H2BC6: variants seen among roughly 807,000 people sequenced by gnomAD.
H2BC6 encodes the protein H2B clustered histone 6, also known as histone H2B type 1-C/E/F/G/I.
H2BC6 carries 8 observed loss-of-function variants against 6.1 expected under a neutral mutation model. The observed-to-expected ratio is 1.31, with a 90% CI of 0.77 to 2.36. The LOEUF is 2.36. Ranked by LOEUF, H2BC6 falls within the 30% of genes most tolerant of loss-of-function variation. H2BC6 has a pLI of 0.00. For synonymous variants in H2BC6, 136 were observed against 73.9 expected, an observed-to-expected ratio of 1.84 and a Z score of -4.31; for missense variants, 212 against 169.9, an observed-to-expected ratio of 1.25 and a Z score of -1.38.
chr6:26,183,921 G>C lies in H2BC6; in HGVS notation c.126G>C (p.Val42=). The C allele has an allele frequency of 1.2e-6, 2 of 1,614,270 alleles. No homozygotes were observed. Among genetic ancestry groups the C allele is most frequent in the Non-Finnish European group, 1.7e-6 (2 of 1,180,056 alleles). ...GCAAGGAGAGCTACTCCGTATACGTGTACAAGGTGCTGAAACAGGTCCACC... is the reference window on the plus strand; with the variant it reads ...GCAAGGAGAGCTACTCCGTATACGTCTACAAGGTGCTGAAACAGGTCCACC... ...RSRKESYSVY[V]YKVLKQVHPD... is the part of the protein sequence containing the mutation. Residue 42 remains valine, a synonymous_variant, in exon 1 of 1, where the codon GTG becomes GTC. Transcript: ENST00000614097.
Position 26,183,806 on chromosome 6 carries a change from C to T in H2BC6, c.11C>T (p.Pro4Leu), listed in dbSNP as rs148688357. 2.3e-4 allele frequency: 379 copies of T among 1,614,118 alleles called. 1 individual carries two copies. In the Middle Eastern group the frequency reaches 3.8e-3, roughly 16 times the overall value. MPE[P>L]AKSAPAPKKG... is the part of the protein sequence containing the mutation. ...AACAGCAAAGATAGCATGCCTGAGC[C>T]AGCGAAATCCGCTCCCGCCCCGAAG... is the stretch of plus-strand genomic sequence containing the variant. Residue 4 changes from proline to leucine, a missense_variant, in exon 1 of 1, where the codon CCA becomes CTA. By Grantham distance (98) the Pro-to-Leu change is moderately conservative. Transcript: ENST00000614097.
Position 26,184,170 on chromosome 6 carries a change from C to A in H2BC6, c.375C>A (p.Ser125=). The change falls in exon 1 of 1, where the codon TCC becomes TCA. Residue 125 remains serine (S), a synonymous_variant. Transcript: ENST00000614097. ...GTKAVTKYTS[S]K ...AGGCCGTTACCAAGTACACCAGCTCCAAGTAAACTTGTCCCTGCAACTGCC... is the reference window on the plus strand; with the variant it reads ...AGGCCGTTACCAAGTACACCAGCTCAAAGTAAACTTGTCCCTGCAACTGCC... The A allele has an allele frequency of 1.9e-6, 3 of 1,614,068 alleles. No individual in the cohort carries two copies. Among genetic ancestry groups the A allele is most frequent in the Non-Finnish European group, 2.5e-6 (3 of 1,179,962 alleles).
rs771832548 is a variant in H2BC6 at position 26,184,173 on chromosome 6, G to T, written c.378G>T (p.Lys126Asn). The change falls in exon 1 of 1, where the codon AAG becomes AAT. Residue 126 changes from lysine (K) to asparagine (N), a missense_variant. By Grantham distance (94) the Lys-to-Asn change is moderately conservative (BLOSUM62 0). Transcript: ENST00000614097. ...TKAVTKYTSS[K>N] ...CCGTTACCAAGTACACCAGCTCCAA[G>T]TAAACTTGTCCCTGCAACTGCCTTA... 6.2e-7 allele frequency: 1 copy of T among 1,614,050 alleles called. No individual in the cohort carries two copies. Among genetic ancestry groups the T allele is most frequent in the East Asian group, 2.2e-5 (1 of 44,888 alleles).
In H2BC6 at chr6:26,184,219, C is replaced by A. The variant is rs369025359; in HGVS notation, c.*43C>A. Reference sequence around the variant, plus strand: ...CCTTAGTAAACCCAAAGGCTCTTTTCAGAGCCACTCACCTTTTCACAATTG... The same window carrying A: ...CCTTAGTAAACCCAAAGGCTCTTTTAAGAGCCACTCACCTTTTCACAATTG... On this transcript the variant is annotated 3_prime_UTR_variant, in exon 1 of 1. Transcript: ENST00000614097. 6.2e-7 allele frequency: 1 copy of A among 1,602,852 alleles called. No individual in the cohort carries two copies. The highest frequency in any genetic ancestry group is 2.2e-5 in the East Asian group (1 of 44,762).
At position 26,183,903 on chromosome 6, in the gene H2BC6, G is replaced by T. The variant is rs1156564933; in HGVS notation, c.108G>T (p.Glu36Asp). Residue 36 changes from glutamate (E) to aspartate (D), a missense_variant, in exon 1 of 1, where the codon GAG (glutamate) becomes GAT (aspartate). Coordinates refer to ENST00000614097, the MANE Select transcript of H2BC6 (RefSeq NM_003523.3). ...DGKKRKRSRKESYSVYVYKVL... is the reference protein window; with the variant it reads ...DGKKRKRSRKDSYSVYVYKVL... ...AGAAGCGCAAGCGCAGCCGCAAGGAGAGCTACTCCGTATACGTGTACAAGG... is the reference window on the plus strand; with the variant it reads ...AGAAGCGCAAGCGCAGCCGCAAGGATAGCTACTCCGTATACGTGTACAAGG... 1.9e-6 allele frequency: 3 copies of T among 1,614,136 alleles called. No homozygotes were observed. The African/African-American group carries it at 4.0e-5, about 22-fold the overall frequency.
chr6:26,184,020 C>A lies in H2BC6; in HGVS notation c.225C>A (p.Ala75=), dbSNP rs775568164. 5 of 1,614,268 alleles carry A rather than the reference C, an allele frequency of 3.1e-6. No homozygotes were observed. The highest frequency in any genetic ancestry group is 3.4e-6 in the Non-Finnish European group (4 of 1,180,040). ...SFVNDIFERI[A]GEASRLAHYN... ...TCAACGACATCTTCGAGCGCATCGC[C>A]GGCGAGGCTTCCCGCCTGGCGCATT... The change falls in exon 1 of 1, where the codon GCC becomes GCA. Residue 75 remains alanine, a synonymous_variant. Transcript: ENST00000614097.
chr6:26,184,152 T>TA lies in H2BC6; in HGVS notation c.358dup (p.Thr120AsnfsTer16). The stretch of plus-strand genomic sequence containing the variant: ...CTGTGTCAGAGGGCACCAAGGCCGT[T>TA]ACCAAGTACACCAGCTCCAAGTAAA... On this transcript the variant is annotated frameshift_variant, in exon 1 of 1. Coordinates refer to ENST00000614097, the MANE Select transcript of H2BC6 (RefSeq NM_003523.3). LOFTEE classifies it high-confidence loss of function. The TA allele has an allele frequency of 6.2e-7, 1 of 1,614,210 alleles. No individual in the cohort carries two copies. The highest frequency in any genetic ancestry group is 2.2e-5 in the East Asian group (1 of 44,890).
Position 26,184,185 on chromosome 6 carries a change from C to T in H2BC6, c.*9C>T, listed in dbSNP as rs766735705. ...ACACCAGCTCCAAGTAAACTTGTCCCTGCAACTGCCTTAGTAAACCCAAAG... is the reference window on the plus strand; with the variant it reads ...ACACCAGCTCCAAGTAAACTTGTCCTTGCAACTGCCTTAGTAAACCCAAAG... On this transcript the variant is annotated 3_prime_UTR_variant, in exon 1 of 1. Transcript: ENST00000614097. The T allele has an allele frequency of 5.0e-5, 81 of 1,613,754 alleles. 1 individual carries two copies. In the South Asian group the frequency reaches 8.3e-4, roughly 17 times the overall value.
chr6:26,183,827 C>A lies in H2BC6; in HGVS notation c.32C>A (p.Pro11Gln). Residue 11 changes from proline (P) to glutamine (Q), a missense_variant, in exon 1 of 1, where the codon CCG becomes CAG. Transcript: ENST00000614097. ...GAGCCAGCGAAATCCGCTCCCGCCC[C>A]GAAGAAGGGCTCCAAGAAGGCCGTG... Reference protein sequence around the residue: MPEPAKSAPAPKKGSKKAVTK... With the variant: MPEPAKSAPAQKKGSKKAVTK... 1 of 1,614,190 alleles carries A rather than the reference C, an allele frequency of 6.2e-7. No individual in the cohort carries two copies. Among genetic ancestry groups the A allele is most frequent in the Non-Finnish European group, 8.5e-7 (1 of 1,180,042 alleles).
rs1764742785 is a variant in H2BC6 at position 26,184,023 on chromosome 6, C to T, written c.228C>T (p.Gly76=). 1.2e-6 allele frequency: 2 copies of T among 1,614,276 alleles called. No homozygotes were observed. Among genetic ancestry groups the T allele is most frequent in the Non-Finnish European group, 1.7e-6 (2 of 1,180,044 alleles). ...FVNDIFERIA[G]EASRLAHYNK... is the part of the protein sequence containing the mutation. ...ACGACATCTTCGAGCGCATCGCCGG[C>T]GAGGCTTCCCGCCTGGCGCATTACA... Residue 76 remains glycine, a synonymous_variant, in exon 1 of 1, where the codon GGC becomes GGT. Coordinates refer to ENST00000614097, the MANE Select transcript of H2BC6 (RefSeq NM_003523.3).
In H2BC6 at chr6:26,183,957, C is replaced by G. The variant is rs1433266524; in HGVS notation, c.162C>G (p.Gly54=). 6.2e-7 allele frequency: 1 copy of G among 1,614,136 alleles called. No homozygotes were observed. Among genetic ancestry groups the G allele is most frequent in the Non-Finnish European group, 8.5e-7 (1 of 1,180,050 alleles). ...TGAAACAGGTCCACCCCGACACCGG[C>G]ATCTCCTCTAAAGCCATGGGGATCA... The part of the protein sequence containing the change: ...KVLKQVHPDT[G]ISSKAMGIMN... Residue 54 remains glycine (G), a synonymous_variant, in exon 1 of 1, where the codon GGC becomes GGG. Coordinates refer to ENST00000614097, the MANE Select transcript of H2BC6 (RefSeq NM_003523.3).
Position 26,184,086 on chromosome 6 carries a change from G to T in H2BC6, c.291G>T (p.Thr97=), listed in dbSNP as rs774102429. Residue 97 remains threonine, a synonymous_variant, in exon 1 of 1, where the codon ACG becomes ACT. Transcript: ENST00000614097. ...CCATCACCTCCAGGGAGATCCAGAC[G>T]GCCGTGCGCCTGCTGCTTCCCGGGG... ...RSTITSREIQ[T]AVRLLLPGEL... 2 of 1,614,246 alleles carry T rather than the reference G, an allele frequency of 1.2e-6. No individual in the cohort carries two copies. Among genetic ancestry groups the T allele is most frequent in the East Asian group, 4.5e-5 (2 of 44,890 alleles).
In H2BC6 at chr6:26,183,911, C is replaced by T. The variant is rs749703382; in HGVS notation, c.116C>T (p.Ser39Phe). ...AAGCGCAGCCGCAAGGAGAGCTACT[C>T]CGTATACGTGTACAAGGTGCTGAAA... Reference protein sequence around the residue: ...KRKRSRKESYSVYVYKVLKQV... With the variant: ...KRKRSRKESYFVYVYKVLKQV... The change falls in exon 1 of 1, where the codon TCC (serine) becomes TTC (phenylalanine). Residue 39 changes from serine (S) to phenylalanine (F), a missense_variant. Coordinates refer to ENST00000614097, the MANE Select transcript of H2BC6 (RefSeq NM_003523.3). The T allele has an allele frequency of 1.4e-5, 22 of 1,614,270 alleles. No individual in the cohort carries two copies. Among genetic ancestry groups the T allele is most frequent in the Non-Finnish European group, 1.9e-5 (22 of 1,180,048 alleles).
chr6:26,184,205 C>T lies in H2BC6; in HGVS notation c.*29C>T. On this transcript the variant is annotated 3_prime_UTR_variant, in exon 1 of 1. Coordinates refer to ENST00000614097, the MANE Select transcript of H2BC6 (RefSeq NM_003523.3). Reference sequence around the variant, plus strand: ...TGTCCCTGCAACTGCCTTAGTAAACCCAAAGGCTCTTTTCAGAGCCACTCA... The same window carrying T: ...TGTCCCTGCAACTGCCTTAGTAAACTCAAAGGCTCTTTTCAGAGCCACTCA... 6.2e-7 allele frequency: 1 copy of T among 1,611,120 alleles called. No homozygotes were observed. Among genetic ancestry groups the T allele is most frequent in the Non-Finnish European group, 8.5e-7 (1 of 1,178,620 alleles).
At position 26,184,169 on chromosome 6, in the gene H2BC6, C is replaced by T. The variant is rs747890451; in HGVS notation, c.374C>T (p.Ser125Phe). 1.9e-6 allele frequency: 3 copies of T among 1,614,126 alleles called. No individual in the cohort carries two copies. The highest frequency in any genetic ancestry group is 2.5e-6 in the Non-Finnish European group (3 of 1,180,002). Reference sequence around the variant, plus strand: ...AAGGCCGTTACCAAGTACACCAGCTCCAAGTAAACTTGTCCCTGCAACTGC... The same window carrying T: ...AAGGCCGTTACCAAGTACACCAGCTTCAAGTAAACTTGTCCCTGCAACTGC... The part of the protein sequence containing the change: ...GTKAVTKYTS[S>F]K The change falls in exon 1 of 1, where the codon TCC (serine) becomes TTC (phenylalanine). Residue 125 changes from serine (S) to phenylalanine (F), a missense_variant. By Grantham distance (155) the Ser-to-Phe change is radical. Coordinates refer to ENST00000614097, the MANE Select transcript of H2BC6 (RefSeq NM_003523.3).
Position 26,183,802 on chromosome 6 carries a change from G to C in H2BC6, c.7G>C (p.Glu3Gln). MP[E>Q]PAKSAPAPKK... is the part of the protein sequence containing the mutation. Reference sequence around the variant, plus strand: ...GCAGAACAGCAAAGATAGCATGCCTGAGCCAGCGAAATCCGCTCCCGCCCC... The same window carrying C: ...GCAGAACAGCAAAGATAGCATGCCTCAGCCAGCGAAATCCGCTCCCGCCCC... Residue 3 changes from glutamate to glutamine, a missense_variant, in exon 1 of 1, where the codon GAG becomes CAG. Transcript: ENST00000614097. The C allele has an allele frequency of 6.2e-7, 1 of 1,614,116 alleles. No individual in the cohort carries two copies. The highest frequency in any genetic ancestry group is 8.5e-7 in the Non-Finnish European group (1 of 1,179,974).
In H2BC6 at chr6:26,184,148, C is replaced by G; in HGVS notation, c.353C>G (p.Ala118Gly). 6.2e-7 allele frequency: 1 copy of G among 1,614,226 alleles called. No individual in the cohort carries two copies. The highest frequency in any genetic ancestry group is 8.5e-7 in the Non-Finnish European group (1 of 1,180,042). ...AKHAVSEGTK[A>G]VTKYTSSK ...CACGCTGTGTCAGAGGGCACCAAGG[C>G]CGTTACCAAGTACACCAGCTCCAAG... The change falls in exon 1 of 1, where the codon GCC becomes GGC. Residue 118 changes from alanine to glycine, a missense_variant. Transcript: ENST00000614097.
rs1334779520 is a variant in H2BC6 at position 26,183,982 on chromosome 6, A to G, written c.187A>G (p.Met63Val). Reference sequence around the variant, plus strand: ...CATCTCCTCTAAAGCCATGGGGATCATGAATTCCTTTGTCAACGACATCTT... The same window carrying G: ...CATCTCCTCTAAAGCCATGGGGATCGTGAATTCCTTTGTCAACGACATCTT... ...TGISSKAMGI[M>V]NSFVNDIFER... The change falls in exon 1 of 1, where the codon ATG becomes GTG. Residue 63 changes from methionine to valine, a missense_variant. By Grantham distance (21) the Met-to-Val change is conservative. Coordinates refer to ENST00000614097, the MANE Select transcript of H2BC6 (RefSeq NM_003523.3). 2 of 1,614,280 alleles carry G rather than the reference A, an allele frequency of 1.2e-6. No individual in the cohort carries two copies. The highest frequency in any genetic ancestry group is 1.1e-5 in the South Asian group (1 of 91,090).
rs766675041 is a variant in H2BC6, at chr6:26,183,775, C to T, written c.-21C>T. On this transcript the variant is annotated 5_prime_UTR_variant, in exon 1 of 1. Coordinates refer to ENST00000614097, the MANE Select transcript of H2BC6 (RefSeq NM_003523.3). ...ATGTAGATTTCATTTTCTTTCCTAA[C>T]TGCAGAACAGCAAAGATAGCATGCC... 1.2e-6 allele frequency: 2 copies of T among 1,613,094 alleles called. No homozygotes were observed. The highest frequency in any genetic ancestry group is 1.7e-5 in the Admixed American group (1 of 59,658).
Sources: gnomAD v4.1 joint callset for allele counts on GRCh38, gnomAD v4.1.1 for gene constraint, MANE v1.5 for transcripts, NCBI Gene and HGNC (gene_info 2026-07-23, HGNC 2026-07-21) for gene names.